HAO1: variants seen among roughly 807,000 people sequenced by gnomAD.
HAO1 encodes hydroxyacid oxidase 1, also known as 2-Hydroxyacid oxidase 1.
In HAO1, 34 loss-of-function variants were observed where a neutral mutation model predicts 39.7. The ratio of observed to expected loss-of-function variants is 0.86; its 90% CI spans 0.65 to 1.14. The LOEUF (loss-of-function observed/expected upper bound fraction) is 1.14, where lower values mean the gene tolerates loss of function less well. Among genes scored for constraint, HAO1 ranks in the 50% most tolerant of loss-of-function variants. The pLI, the probability that HAO1 is intolerant of heterozygous loss-of-function variation, is 0.00. For missense variants in HAO1, 479 were observed against 464.5 expected (o/e 1.03, Z -0.29); for synonymous variants, 172 against 173.2 (o/e 0.99, Z 0.05).
At position 7,885,885 on chromosome 20, in the gene HAO1, T is replaced by TA. The variant is rs559860089; in HGVS notation, c.814-22dup. 5.2e-4 allele frequency: 840 copies of TA among 1,602,550 alleles called. 6 individuals carry two copies. In the East Asian group the frequency reaches 5.6e-3, roughly 11 times the overall value. ...TCAATCTGGGGAAAGAAAAGTTCAA[T>TA]AATGTGACTCTATTAACACTGAATT... On this transcript the variant is annotated intron_variant, in intron 5 of 7. Transcript: ENST00000378789.
intron 5 of HAO1, among the ~76,000 whole-genome samples, chr20:7,891,166 A>G (rs1248612036): frequency 1.3e-5 from 2 of 152,154 alleles, no homozygotes; most frequent in East Asian, 3.9e-4. Context: ...TCCTACCTGC[A>G]GTGTAGAAAT....
At chr20:7,919,705 G>A (rs1239515746) in intron 2 of HAO1, among the ~76,000 whole-genome samples, 1 of 152,098 alleles carries the variant, frequency 6.6e-6, no homozygotes, top group Non-Finnish European at 1.5e-5. Flanking sequence ...CGTTTTCTGT[G>A]TAATCTCTGA....
chr20:7,905,091 T>C (rs2050241207), intron 4 of HAO1, among the ~76,000 whole-genome samples: 1 of 152,210 alleles, frequency 6.6e-6, no homozygotes, highest in Non-Finnish European at 1.5e-5. Context: ...CCTCATATGA[T>C]TACTACACAT....
intron 1 of HAO1, 50 bp downstream of exon 1, chr20:7,940,236 C>T (rs750512512): frequency 2.7e-5 from 39 of 1,436,574 alleles, no homozygotes; most frequent in East Asian, 4.7e-5. Flanking sequence ...TATTTTGGTA[C>T]GGTCTTTGTG....
chr20:7,918,067 C>T (rs1301436259), intron 2 of HAO1, among the ~76,000 whole-genome samples: 1 of 152,134 alleles, frequency 6.6e-6, no homozygotes, highest in Non-Finnish European at 1.5e-5. Context: ...GAATTGGCAT[C>T]CCCAAAATTA....
intron 7 of HAO1, among the ~76,000 whole-genome samples, chr20:7,884,701 A>G (rs79638246): frequency 6.6e-6 from 1 of 152,054 alleles, no homozygotes; most frequent in African/African-American, 2.4e-5. Context: ...CATTGGTAGA[A>G]GTTGGGATCA....
At chr20:7,923,456 G>T (rs534869212) in intron 2 of HAO1, among the ~76,000 whole-genome samples, 1 of 152,268 alleles carries the variant, frequency 6.6e-6, no homozygotes, top group East Asian at 1.9e-4. Flanking sequence ...TACTAAGCCT[G>T]CCTGTCCCAG....
chr20:7,912,038 G>T (rs1326454778), intron 3 of HAO1, among the ~76,000 whole-genome samples: 2 of 152,218 alleles, frequency 1.3e-5, no homozygotes, highest in African/African-American at 4.8e-5. Flanking sequence ...ACTCTGAGGG[G>T]CTGGGGTACA....
At chr20:7,925,969 A>G (rs1422070385) in intron 2 of HAO1, among the ~76,000 whole-genome samples, 1 of 152,154 alleles carries the variant, frequency 6.6e-6, no homozygotes. Context: ...TACTTTAGCA[A>G]TGAATTATAC....
At chr20:7,915,387 AGAAGGGGAAGAG>A (rs1374245795) in intron 2 of HAO1, among the ~76,000 whole-genome samples, 1 of 151,920 alleles carries the variant, frequency 6.6e-6, no homozygotes, top group African/African-American at 2.4e-5. Context: ...AAGGGGAAGG[AGAAGGGGAAGAG>A]GAAGGGGAAG....
At chr20:7,900,032 A>G in intron 4 of HAO1, among the ~76,000 whole-genome samples, 1 of 152,170 alleles carries the variant, frequency 6.6e-6, no homozygotes, top group East Asian at 1.9e-4. Context: ...ATTTGAGCTC[A>G]AGCCCTTGGA....
intron 4 of HAO1, among the ~76,000 whole-genome samples, chr20:7,903,999 C>G (rs991252581): frequency 6.6e-6 from 1 of 151,862 alleles, no homozygotes; most frequent in Non-Finnish European, 1.5e-5. Flanking sequence ...AATTGATTTG[C>G]ACATATCTTA....
intron 2 of HAO1, among the ~76,000 whole-genome samples, chr20:7,924,764 A>G (rs959925620): frequency 6.6e-6 from 1 of 152,178 alleles, no homozygotes; most frequent in Non-Finnish European, 1.5e-5. Context: ...AGGAAGCAAA[A>G]AAGTGTAATA....
At chr20:7,919,695 C>T (rs749174923) in intron 2 of HAO1, among the ~76,000 whole-genome samples, 5 of 152,098 alleles carry the variant, frequency 3.3e-5, no homozygotes, top group South Asian at 2.1e-4. Flanking sequence ...TGTTTCTGAA[C>T]GTTTTCTGTG....
chr20:7,893,832 T>C (rs1281168284), intron 5 of HAO1, among the ~76,000 whole-genome samples: 1 of 152,170 alleles, frequency 6.6e-6, no homozygotes, highest in Admixed American at 6.5e-5. Flanking sequence ...TGAATTAAAC[T>C]CTTCCTCTAT....
intron 5 of HAO1, among the ~76,000 whole-genome samples, chr20:7,891,237 C>T (rs955396581): frequency 1.3e-5 from 2 of 152,130 alleles, no homozygotes; most frequent in Admixed American, 1.3e-4. Flanking sequence ...TATGGCCATT[C>T]TTTCAGGAGT....
intron 3 of HAO1, among the ~76,000 whole-genome samples, chr20:7,909,098 T>A (rs1377529396): frequency 6.6e-6 from 1 of 151,798 alleles, no homozygotes; most frequent in Non-Finnish European, 1.5e-5. Flanking sequence ...GTGAAATGGA[T>A]AGGAAAAAAC....
At chr20:7,920,015 C>A (rs1314391150) in intron 2 of HAO1, among the ~76,000 whole-genome samples, 2 of 152,112 alleles carry the variant, frequency 1.3e-5, no homozygotes, top group Non-Finnish European at 2.9e-5. Context: ...ACCTCACCAA[C>A]TGATAAGGTT....
At chr20:7,925,033 A>G (rs1025067773) in intron 2 of HAO1, among the ~76,000 whole-genome samples, 2 of 152,162 alleles carry the variant, frequency 1.3e-5, no homozygotes, top group Admixed American at 6.6e-5. Context: ...TGAGTGTGTC[A>G]TCCTATCTTC....
Sources: allele counts gnomAD v4.1 joint callset (sites outside exome capture counted in the v4.1 genomes callset), GRCh38; gene constraint gnomAD v4.1.1; transcripts MANE v1.5; gene names NCBI Gene and HGNC (gene_info 2026-07-23, HGNC 2026-07-21).